Variants in DPP10 observed in about 807,000 individuals in gnomAD.
DPP10 encodes dipeptidyl peptidase like 10, also known as inactive dipeptidyl peptidase 10.
DPP10 carries 33 observed loss-of-function variants against 120.9 expected under a neutral mutation model. The ratio of observed to expected loss-of-function variants is 0.27; its 90% CI spans 0.21 to 0.37. The LOEUF (loss-of-function observed/expected upper bound fraction) is 0.37. DPP10 is among the 10% of genes least tolerant of loss of function. The pLI, the probability that DPP10 is intolerant of heterozygous loss-of-function variation, is 1.00. For synonymous variants in DPP10, 337 were observed against 326.1 expected, an observed-to-expected ratio of 1.03 and a Z score of -0.36; for missense variants, 816 against 942.8, an observed-to-expected ratio of 0.87 and a Z score of 1.76.
chr2:115,090,036 T>C (rs1023358797), intron 1 of DPP10, among the ~76,000 whole-genome samples: 3 of 151,856 alleles, frequency 2.0e-5, no homozygotes, highest in Middle Eastern at 3.2e-3. Flanking sequence ...CAGTGGGTCA[T>C]TCCTTTTTTT....
rs554791248 is a variant in DPP10 at position 114,598,882 on chromosome 2, C to G, written c.60+156044C>G. Among the ~76,000 whole-genome samples the G allele has an allele frequency of 4.0e-5, 6 of 151,892 alleles. No homozygotes were observed. In the East Asian group the frequency reaches 1.2e-3, roughly 29 times the overall value. On this transcript the variant is annotated intron_variant, in intron 1 of 25. Transcript: ENST00000410059. Reference sequence around the variant, plus strand: ...TAATTAGGAGGGGCAGATATACATTCAAATCCTGCTTCTCAATTAATTTTA... The same window carrying G: ...TAATTAGGAGGGGCAGATATACATTGAAATCCTGCTTCTCAATTAATTTTA...
At position 114,937,378 on chromosome 2, in the gene DPP10, GA is replaced by G. The variant is rs200083965; in HGVS notation, c.61-371853del. On this transcript the variant is annotated intron_variant, in intron 1 of 25. Transcript: ENST00000410059. The stretch of plus-strand genomic sequence containing the variant: ...CACACTTTGTTTTGTTTGCTTTGTT[GA>G]AAAAAAAGTTGCCTGTAAGTATTCG... Among the ~76,000 whole-genome samples, 3 of 151,878 alleles carry G rather than the reference GA, an allele frequency of 2.0e-5. No individual in the cohort carries two copies. The East Asian group carries it at 5.8e-4, about 29-fold the overall frequency.
intron 12 of DPP10, among the ~76,000 whole-genome samples, chr2:115,765,240 T>G (rs970049988): frequency 1.3e-5 from 2 of 152,102 alleles, no homozygotes; most frequent in African/African-American, 4.8e-5. Flanking sequence ...GCAATGTAAA[T>G]GGAAGAATGC....
intron 1 of DPP10, among the ~76,000 whole-genome samples, chr2:115,127,247 T>C (rs1360881476): frequency 6.6e-6 from 1 of 152,264 alleles, no homozygotes; most frequent in Non-Finnish European, 1.5e-5. Context: ...ACCTATGGAA[T>C]ACTGATTCTC....
chr2:115,649,053 C>A (rs1018774710), intron 5 of DPP10, among the ~76,000 whole-genome samples: 11 of 152,032 alleles, frequency 7.2e-5, no homozygotes, highest in Admixed American at 1.3e-4. Flanking sequence ...GTCTTTCCAG[C>A]ATTTCTGGGA....
At chr2:115,758,972 G>A (rs1023618212) in intron 11 of DPP10, among the ~76,000 whole-genome samples, 1 of 152,144 alleles carries the variant, frequency 6.6e-6, no homozygotes, top group African/African-American at 2.4e-5. Context: ...AATACTGTCA[G>A]TGTTCTAGGG....
chr2:115,382,232 T>C (rs900972683), intron 3 of DPP10, among the ~76,000 whole-genome samples: 1 of 152,208 alleles, frequency 6.6e-6, no homozygotes, highest in Non-Finnish European at 1.5e-5. Flanking sequence ...TAGGACCCTC[T>C]GAGCCATGTG....
chr2:114,647,307 A>G (rs1696215239), intron 1 of DPP10, among the ~76,000 whole-genome samples: 1 of 152,282 alleles, frequency 6.6e-6, no homozygotes, highest in Middle Eastern at 3.4e-3. Flanking sequence ...CAAAAACTGA[A>G]TGTGTTTAAT....
intron 1 of DPP10, among the ~76,000 whole-genome samples, chr2:115,196,790 T>C (rs1043479007): frequency 5.9e-5 from 9 of 152,208 alleles, no homozygotes; most frequent in Non-Finnish European, 1.3e-4. Context: ...TCAGAACATA[T>C]GGATGTGTGG....
intron 12 of DPP10, among the ~76,000 whole-genome samples, chr2:115,766,853 C>T (rs1377021343): frequency 6.6e-6 from 1 of 152,134 alleles, no homozygotes; most frequent in Non-Finnish European, 1.5e-5. Flanking sequence ...ATAACTCATT[C>T]ACTCACTGTC....
At chr2:115,821,626 A>C (rs1479717171) in intron 21 of DPP10, among the ~76,000 whole-genome samples, 1 of 151,886 alleles carries the variant, frequency 6.6e-6, no homozygotes, top group African/African-American at 2.4e-5. Context: ...ATGTGCCATT[A>C]TCTGTCCTAT....
intron 1 of DPP10, among the ~76,000 whole-genome samples, chr2:114,879,680 T>A (rs1195018651): frequency 6.6e-6 from 1 of 151,982 alleles, no homozygotes; most frequent in African/African-American, 2.4e-5. Flanking sequence ...GTGATTGAAA[T>A]ACTTGACAGA....
intron 1 of DPP10, among the ~76,000 whole-genome samples, chr2:114,748,371 TTTA>T (rs1348817729): frequency 3.9e-4 from 49 of 127,010 alleles, no homozygotes; most frequent in Non-Finnish European, 7.2e-4. Flanking sequence ...ATTTTATTTA[TTTA>T]TTTATTTATT....
At chr2:114,776,044 A>G (rs779226913) in intron 1 of DPP10, among the ~76,000 whole-genome samples, 1 of 152,204 alleles carries the variant, frequency 6.6e-6, no homozygotes, top group African/African-American at 2.4e-5. Flanking sequence ...GAAGTCAAGA[A>G]TGTCTTCCCA....
chr2:115,000,478 A>G (rs1006871370), intron 1 of DPP10, among the ~76,000 whole-genome samples: 3 of 152,174 alleles, frequency 2.0e-5, no homozygotes, highest in Admixed American at 6.5e-5. Context: ...TTCATTCAGA[A>G]GATTTTTCTG....
intron 21 of DPP10, among the ~76,000 whole-genome samples, chr2:115,826,025 G>T (rs1335172909): frequency 6.6e-6 from 1 of 152,220 alleles, no homozygotes. Context: ...GGTAGCATCA[G>T]GTCACTTGAG....
chr2:114,855,017 G>C (rs1689263436), intron 1 of DPP10, among the ~76,000 whole-genome samples: 1 of 152,100 alleles, frequency 6.6e-6, no homozygotes, highest in Admixed American at 6.6e-5. Context: ...AGTTCACAGA[G>C]AGAGAAAAAG....
At chr2:115,225,950 G>A (rs1438263180) in intron 1 of DPP10, among the ~76,000 whole-genome samples, 2 of 151,910 alleles carry the variant, frequency 1.3e-5, no homozygotes, top group African/African-American at 2.4e-5. Context: ...TCAGTTTGGC[G>A]CTACCTTTTA....
chr2:114,856,599 T>C (rs940232630), intron 1 of DPP10, among the ~76,000 whole-genome samples: 1 of 152,194 alleles, frequency 6.6e-6, no homozygotes, highest in African/African-American at 2.4e-5. Context: ...TTCACAAGTA[T>C]AATATTTTGT....
Sources: allele counts gnomAD v4.1 joint callset (sites outside exome capture counted in the v4.1 genomes callset), GRCh38; gene constraint gnomAD v4.1.1; transcripts MANE v1.5; gene names NCBI Gene and HGNC (gene_info 2026-07-23, HGNC 2026-07-21).